Variants in FBXO27 observed in about 807,000 individuals in gnomAD.
The protein encoded by FBXO27 is F-box protein 27.
Under a neutral mutation model 28.3 loss-of-function variants are expected in FBXO27, and 28 were observed. The ratio of observed to expected loss-of-function variants is 0.99; its 90% CI spans 0.73 to 1.36. The LOEUF (loss-of-function observed/expected upper bound fraction) is 1.36. Ranked by LOEUF, FBXO27 falls within the 40% of genes most tolerant of loss-of-function variation. The pLI is 0.00. For synonymous variants in FBXO27, 175 were observed against 167.3 expected (o/e 1.05, Z -0.36); for missense variants, 388 against 394.1 (o/e 0.98, Z 0.13).
chr19:39,026,976 A>C lies in FBXO27; in HGVS notation c.602T>G (p.Met201Arg), dbSNP rs1446329924. 2 of 1,614,216 alleles carry C rather than the reference A, an allele frequency of 1.2e-6. No homozygotes were observed. Among genetic ancestry groups the C allele is most frequent in the East Asian group, 2.2e-5 (1 of 44,890 alleles). The change falls in exon 5 of 6, where the codon ATG (methionine) becomes AGG (arginine). Residue 201 changes from methionine to arginine, a missense_variant. Transcript: ENST00000292853. Reference protein sequence around the residue: ...WWGARHDSGCMYRLLVQLLDA... With the variant: ...WWGARHDSGCRYRLLVQLLDA... ...TAGAAGTTGGACGAGGAGTCTGTAC[A>C]TACAGCCGCTGTCGTGTCGGGCTCC... is the stretch of plus-strand genomic sequence containing the variant.
At chr19:39,022,143 A>T (rs1427087728), downstream of FBXO27, among the ~76,000 whole-genome samples, 22 of 101,082 alleles carry the variant, frequency 2.2e-4, no homozygotes, top group African/African-American at 5.0e-4. Flanking sequence ...AATATTTTCT[A>T]TTCTTTTTTT....
chr19:39,021,358 C>G (rs1353368468), downstream of FBXO27, among the ~76,000 whole-genome samples: 2 of 152,148 alleles, frequency 1.3e-5, no homozygotes, highest in Non-Finnish European at 2.9e-5. Context: ...TCCATCACCT[C>G]ATCCACTTTT....
In FBXO27 at chr19:39,031,911, G is replaced by C. The variant is rs976416138; in HGVS notation, c.317C>G (p.Ala106Gly). Reference protein sequence around the residue: ...ARPCPLGRFCARRPIGRNLIR... With the variant: ...ARPCPLGRFCGRRPIGRNLIR... ...AAGGTTGCGTCCGATGGGTCTGCGC[G>C]CGCAGAAGCGGCCCAGGGGGCAAGG... The change falls in exon 2 of 6, where the codon GCG becomes GGG. Residue 106 changes from alanine to glycine, a missense_variant. Ala to Gly is a moderately conservative substitution (Grantham distance 60, BLOSUM62 0). Transcript: ENST00000292853. 1 of 1,504,062 alleles carries C rather than the reference G, an allele frequency of 6.6e-7. No homozygotes were observed. The highest frequency in any genetic ancestry group is 8.8e-7 in the Non-Finnish European group (1 of 1,138,206). The allele number at this position is 1,504,062 out of a possible 1,614,324, so 93.2% of individuals were successfully genotyped here.
chr19:39,008,705 G>A (rs933746383), intron 2 of FBXO27, among the ~76,000 whole-genome samples: 1 of 152,122 alleles, frequency 6.6e-6, no homozygotes, highest in Admixed American at 6.6e-5. Context: ...TGTCTCCACA[G>A]ATTTTCCGAT....
At chr19:39,021,151 A>T (rs978644169), downstream of FBXO27, among the ~76,000 whole-genome samples, 1 of 152,118 alleles carries the variant, frequency 6.6e-6, no homozygotes, top group African/African-American at 2.4e-5. Context: ...TGGCCAGAAG[A>T]TGTTAACTGA....
Position 39,032,360 on chromosome 19 carries a change from G to A in FBXO27, c.-26-107C>T, listed in dbSNP as rs1015958955. The A allele has an allele frequency of 1.6e-6, 2 of 1,277,040 alleles. No individual in the cohort carries two copies. The highest frequency in any genetic ancestry group is 3.2e-5 in the African/African-American group (2 of 62,978). 79.1% of individuals were successfully genotyped at this position (1,277,040 alleles called of 1,614,324 possible). A position where few individuals can be genotyped will look rare whatever the true frequency, so the allele number is the denominator to read the frequency against. ...CGCACCCCCGTCTTCACCATCCCTG[G>A]GCCCCGTCCCCAAGTCCCCATCCCC... On this transcript the variant is annotated intron_variant, in intron 1 of 5. Coordinates refer to ENST00000292853, the MANE Select transcript of FBXO27 (RefSeq NM_178820.5). The surrounding 1 kb of genome is among the most constrained non-coding windows in gnomAD (Gnocchi z 4.7).
In FBXO27 at chr19:39,031,070, T is replaced by A. The variant is rs1225165851; in HGVS notation, c.531A>T (p.Glu177Asp). ...LDLEEEGLWP[E>D]LLDSGRIEIC... ...TCTCAATCCTGCCACTATCCAGCAGTTCTGGCCACAGACCCTCCTCCTCTA... is the reference window on the plus strand; with the variant it reads ...TCTCAATCCTGCCACTATCCAGCAGATCTGGCCACAGACCCTCCTCCTCTA... Residue 177 changes from glutamate to aspartate, a missense_variant, in exon 4 of 6, where the codon GAA becomes GAT. Coordinates refer to ENST00000292853, the MANE Select transcript of FBXO27 (RefSeq NM_178820.5). 6.2e-7 allele frequency: 1 copy of A among 1,614,138 alleles called. No homozygotes were observed. Among genetic ancestry groups the A allele is most frequent in the Non-Finnish European group, 8.5e-7 (1 of 1,180,034 alleles).
At position 39,011,850 on chromosome 19, in the gene FBXO27, C is replaced by T. The variant is rs866171264; in HGVS notation, c.252+2537G>A. On this transcript the variant is annotated intron_variant, in intron 2 of 2. Transcript: ENST00000598394. ...TTCTTTTTTTTTTTTTTTTTTTAGA[C>T]GGAGTCTCTTTCTGTCATCCCAGGC... is the stretch of plus-strand genomic sequence containing the variant. 3.7e-3 allele frequency among the ~76,000 whole-genome samples: 486 copies of T among 131,478 alleles called. 4 individuals are homozygous for T. The highest frequency in any genetic ancestry group is 0.013 in the African/African-American group (469 of 35,400). 86.3% of individuals were successfully genotyped at this position (131,478 alleles called of 152,430 possible). A position where few individuals can be genotyped will look rare whatever the true frequency, so the allele number is the denominator to read the frequency against.
intron 1 of FBXO27, among the ~76,000 whole-genome samples, chr19:39,016,251 A>T (rs1281820012): frequency 6.6e-6 from 1 of 152,132 alleles, no homozygotes; most frequent in Non-Finnish European, 1.5e-5. Context: ...CACGACACCA[A>T]GTGTGACCCT....
downstream of FBXO27, among the ~76,000 whole-genome samples, chr19:39,022,820 A>G (rs1369033693): frequency 6.6e-6 from 1 of 151,284 alleles, no homozygotes; most frequent in East Asian, 1.9e-4. Context: ...TTTTTGAGAC[A>G]GAGTTTTGCT....
chr19:39,018,678 T>C (rs7246076), intron 1 of FBXO27, among the ~76,000 whole-genome samples: 29,299 of 152,010 alleles, frequency 0.19, 3,489 homozygotes, highest in South Asian at 0.39. Context: ...TTGAGGAGCA[T>C]TGTAAAAAAA....
In FBXO27 at chr19:39,024,667, T is replaced by C. The variant is rs8103187; in HGVS notation, c.*744A>G. ...CCTCCCGAGTAGCTGGAATTACAGG[T>C]GCACACCACCAAGCCCGGCTAATTT... On this transcript the variant is annotated 3_prime_UTR_variant, in exon 6 of 6. Transcript: ENST00000292853. 91,220 of 152,050 alleles carry C rather than the reference T, an allele frequency of 0.6. 27,682 individuals are homozygous for C. The highest frequency in any genetic ancestry group is 0.64 in the Middle Eastern group (187 of 294). The allele number at this position is 152,050 out of a possible 1,614,324, so 9.4% of individuals were successfully genotyped here.
chr19:39,010,573 C>T (rs111365029), intron 2 of FBXO27, among the ~76,000 whole-genome samples: 131 of 152,270 alleles, frequency 8.6e-4, no homozygotes, highest in African/African-American at 2.8e-3. Flanking sequence ...ATGAGCTTTC[C>T]GTAAGACACG....
intron 2 of FBXO27, among the ~76,000 whole-genome samples, chr19:39,012,475 C>T (rs1407184690): frequency 3.9e-5 from 6 of 152,116 alleles, no homozygotes; most frequent in African/African-American, 7.2e-5. Context: ...TGAGCCACCA[C>T]GCCCAGCGTC....
At position 39,031,250 on chromosome 19, in the gene FBXO27, C is replaced by G. The variant is rs768351019; in HGVS notation, c.435G>C (p.Val145=). 1 of 1,614,038 alleles carries G rather than the reference C, an allele frequency of 6.2e-7. No individual in the cohort carries two copies. Among genetic ancestry groups the G allele is most frequent in the African/African-American group, 1.3e-5 (1 of 74,920 alleles). ...GWVVEENRTT[V]PGAPSQTCFV... is the part of the protein sequence containing the mutation. Reference sequence around the variant, plus strand: ...AGCACGTCTGAGAAGGGGCCCCAGGCACGGTTGTCCTGTTTTCCTCCACCA... The same window carrying G: ...AGCACGTCTGAGAAGGGGCCCCAGGGACGGTTGTCCTGTTTTCCTCCACCA... The change falls in exon 3 of 6, where the codon GTG becomes GTC. Residue 145 remains valine, a synonymous_variant. Transcript: ENST00000292853.
chr19:39,014,275 G>A (rs1221311110), intron 2 of FBXO27: 1 of 152,266 alleles, frequency 6.6e-6, no homozygotes, highest in Admixed American at 6.5e-5. Flanking sequence ...GTGAATTCAG[G>A]AAGCCACAAG....
intron 4 of FBXO27, 37 bp downstream of exon 4, chr19:39,030,992 G>C (rs1279612471): frequency 6.4e-7 from 1 of 1,557,348 alleles, no homozygotes; most frequent in Admixed American, 1.7e-5. Flanking sequence ...CATGCAGTCA[G>C]TGCTTAGCAA....
downstream of FBXO27, chr19:39,023,981 G>A (rs2072858364): frequency 6.6e-6 from 1 of 152,040 alleles, no homozygotes; most frequent in Non-Finnish European, 1.5e-5. Context: ...TCTCAACCAA[G>A]GCAGTAACTC....
chr19:39,010,316 T>C (rs560151242), intron 2 of FBXO27, among the ~76,000 whole-genome samples: 6 of 152,228 alleles, frequency 3.9e-5, no homozygotes, highest in African/African-American at 1.4e-4. Flanking sequence ...GGGGCCCAGT[T>C]GCACTCCTTT....
Sources: allele counts gnomAD v4.1 joint callset (sites outside exome capture counted in the v4.1 genomes callset), GRCh38; gene constraint gnomAD v4.1.1; non-coding constraint Gnocchi (gnomAD v3.1); transcripts MANE v1.5; gene names NCBI Gene and HGNC (gene_info 2026-07-23, HGNC 2026-07-21).